Variants in CPVL observed in about 807,000 individuals in gnomAD.
CPVL encodes the protein probable serine carboxypeptidase CPVL.
A neutral mutation model predicts 63.7 loss-of-function variants in CPVL; 51 were observed. The observed-to-expected ratio is 0.80, with a 90% CI of 0.64 to 1.01. The LOEUF is 1.01. Among genes scored for constraint, CPVL ranks in the 50% least tolerant of loss-of-function variants. The pLI, the probability that CPVL is intolerant of heterozygous loss-of-function variation, is 0.00. For missense variants in CPVL, 530 were observed against 573.1 expected, an observed-to-expected ratio of 0.92 and a Z score of 0.77; for synonymous variants, 195 against 206.0, an observed-to-expected ratio of 0.95 and a Z score of 0.46.
intron 11 of CPVL, among the ~76,000 whole-genome samples, chr7:29,035,177 A>G (rs758177362): frequency 2.0e-5 from 3 of 152,150 alleles, no homozygotes; most frequent in Non-Finnish European, 4.4e-5. Context: ...ACCTGCTTTC[A>G]TGTGCATAGA....
In CPVL at chr7:29,146,421, G is replaced by A; in HGVS notation, c.-11+8C>T. 2 of 1,075,882 alleles carry A rather than the reference G, an allele frequency of 1.9e-6. No individual in the cohort carries two copies. Among genetic ancestry groups the A allele is most frequent in the South Asian group, 1.8e-5 (1 of 57,042 alleles). 66.6% of individuals were successfully genotyped at this position (1,075,882 alleles called of 1,614,324 possible). A position where few individuals can be genotyped will look rare whatever the true frequency, so the allele number is the denominator to read the frequency against. ...TGGCACGACCCACGCAGGGCAGGCG[G>A]CACTTACGCGGCGCAGTCGGTGCTC... On this transcript the variant is annotated splice_region_variant and intron_variant, in intron 1 of 12. Transcript: ENST00000265394.
intron 1 of CPVL, chr7:29,193,373 C>T (rs1232010680): frequency 6.6e-6 from 1 of 152,072 alleles, no homozygotes; most frequent in Non-Finnish European, 1.5e-5. Flanking sequence ...ATCCCCAGGG[C>T]CTAGCTGCTG....
intron 3 of CPVL, among the ~76,000 whole-genome samples, chr7:29,099,964 G>A (rs1562769262): frequency 1.3e-5 from 2 of 152,180 alleles, no homozygotes; most frequent in African/African-American, 2.4e-5. Context: ...AAACTCCAAT[G>A]TGCTGAATAA....
At chr7:29,070,914 T>C (rs318120) in intron 9 of CPVL, among the ~76,000 whole-genome samples, 2,652 of 152,374 alleles carry the variant, frequency 0.017, 89 homozygotes, top group African/African-American at 0.062. Flanking sequence ...ATCAGATTTC[T>C]GCTTTAATAA....
chr7:29,159,708 A>G (rs1794920056), intron 5 of CPVL, among the ~76,000 whole-genome samples: 1 of 152,082 alleles, frequency 6.6e-6, no homozygotes, highest in Non-Finnish European at 1.5e-5. Context: ...CACAGCACAC[A>G]TCCTGGGATT....
chr7:29,120,215 A>C (rs1789217251), intron 2 of CPVL, among the ~76,000 whole-genome samples: 1 of 152,150 alleles, frequency 6.6e-6, no homozygotes, highest in South Asian at 2.1e-4. Flanking sequence ...AAAGGTTAGG[A>C]GTTCAAAACT....
chr7:29,016,265 C>T (rs925617543), intron 12 of CPVL, among the ~76,000 whole-genome samples: 2 of 151,688 alleles, frequency 1.3e-5, no homozygotes, highest in South Asian at 2.1e-4. Flanking sequence ...GCAGGAGAAT[C>T]GCTTGAACCC....
chr7:29,118,026 T>C (rs1328641033), intron 2 of CPVL, among the ~76,000 whole-genome samples: 1 of 152,244 alleles, frequency 6.6e-6, no homozygotes, highest in Non-Finnish European at 1.5e-5. Context: ...AGTACTTTAG[T>C]ATGCACTGCC....
At chr7:29,137,808 T>A (rs1371291598) in intron 1 of CPVL, among the ~76,000 whole-genome samples, 1 of 152,050 alleles carries the variant, frequency 6.6e-6, no homozygotes, top group African/African-American at 2.4e-5. Context: ...AAATTTGTTA[T>A]GCAGCAATAG....
chr7:28,999,489 C>A (rs1309127498), intron 12 of CPVL, among the ~76,000 whole-genome samples: 1 of 152,202 alleles, frequency 6.6e-6, no homozygotes, highest in Non-Finnish European at 1.5e-5. Context: ...AACACCTACT[C>A]ATGAATACAA....
rs1314637246 is a variant in CPVL at position 29,046,912 on chromosome 7, AT to A, written c.1138-16154del. On this transcript the variant is annotated intron_variant, in intron 11 of 12. Coordinates refer to ENST00000265394, the MANE Select transcript of CPVL (RefSeq NM_031311.5). ...AATCAGTGTATGAGAGTGCATTCGC[AT>A]TTTTTTAATGCTGCTGATTAAGACT... Among the ~76,000 whole-genome samples, 4 of 152,250 alleles carry A rather than the reference AT, an allele frequency of 2.6e-5. No individual in the cohort carries two copies. In the East Asian group the frequency reaches 5.8e-4, roughly 22 times the overall value.
At chr7:29,067,733 T>C (rs1783275061) in intron 9 of CPVL, among the ~76,000 whole-genome samples, 1 of 152,212 alleles carries the variant, frequency 6.6e-6, no homozygotes, top group South Asian at 2.1e-4. Context: ...AAAAACAATC[T>C]ATCAAGTACA....
chr7:29,021,589 C>T (rs1258934873), intron 12 of CPVL, among the ~76,000 whole-genome samples: 1 of 152,050 alleles, frequency 6.6e-6, no homozygotes, highest in Non-Finnish European at 1.5e-5. Context: ...ATGAGAGATT[C>T]CCAGCAGTCA....
intron 5 of CPVL, among the ~76,000 whole-genome samples, chr7:29,159,562 T>C (rs1794896792): frequency 1.3e-5 from 2 of 152,246 alleles, no homozygotes; most frequent in Admixed American, 1.3e-4. Context: ...AGTGATGAAA[T>C]GGGGTGGCTA....
intron 3 of CPVL, among the ~76,000 whole-genome samples, chr7:29,102,214 T>C (rs982628237): frequency 1.3e-5 from 2 of 152,184 alleles, no homozygotes; most frequent in African/African-American, 4.8e-5. Flanking sequence ...ATTGAAAATA[T>C]GGATACTATT....
chr7:29,115,304 G>A (rs182402684), intron 2 of CPVL, among the ~76,000 whole-genome samples: 118 of 152,264 alleles, frequency 7.7e-4, no homozygotes, highest in Non-Finnish European at 1.4e-3. Flanking sequence ...TTCTCCCAGG[G>A]AAGATTGCTT....
At chr7:29,017,145 G>A (rs1359824528) in intron 12 of CPVL, among the ~76,000 whole-genome samples, 1 of 152,138 alleles carries the variant, frequency 6.6e-6, no homozygotes, top group Non-Finnish European at 1.5e-5. Context: ...TGCAGGCTAT[G>A]AGCCAGACTA....
At chr7:29,118,970 A>G (rs1385538687) in intron 2 of CPVL, among the ~76,000 whole-genome samples, 1 of 151,688 alleles carries the variant, frequency 6.6e-6, no homozygotes, top group African/African-American at 2.4e-5. Flanking sequence ...CCAATTCCCC[A>G]CTCATCATTT....
chr7:29,047,261 T>C (rs895248411), intron 11 of CPVL, among the ~76,000 whole-genome samples: 2 of 152,052 alleles, frequency 1.3e-5, no homozygotes, highest in East Asian at 1.9e-4. Flanking sequence ...TTCAGAATGG[T>C]TGGAAAAGGG....
Sources: gnomAD v4.1 joint callset for allele counts (sites outside exome capture counted in the v4.1 genomes callset) on GRCh38, gnomAD v4.1.1 for gene constraint, MANE v1.5 for transcripts, NCBI Gene and HGNC (gene_info 2026-07-23, HGNC 2026-07-21) for gene names.